The following ALCAM variants were observed in gnomAD, a reference collection of about 807,000 sequenced individuals.
The protein encoded by ALCAM is CD166 antigen.
A neutral mutation model predicts 70.9 loss-of-function variants in ALCAM; 30 were observed. That is an observed-to-expected ratio of 0.42 (90% CI 0.32 to 0.57). ALCAM has a LOEUF of 0.57. ALCAM is among the 20% of genes least tolerant of loss of function. ALCAM has a pLI of 0.11. For missense variants in ALCAM, 591 were observed against 695.1 expected (o/e 0.85, Z 1.68); for synonymous variants, 249 against 242.5 (o/e 1.03, Z -0.25).
chr3:105,504,454 G>A (rs1939007213), intron 1 of ALCAM, among the ~76,000 whole-genome samples: 1 of 152,222 alleles, frequency 6.6e-6, no homozygotes, highest in African/African-American at 2.4e-5. Flanking sequence ...GCTCTCAGCA[G>A]ATGGGGGAAG....
chr3:105,407,341 T>C (rs913424185), intron 1 of ALCAM, among the ~76,000 whole-genome samples: 2 of 151,676 alleles, frequency 1.3e-5, no homozygotes, highest in African/African-American at 4.8e-5. Flanking sequence ...AGCAAACCAA[T>C]TCCAACAGCA....
At chr3:105,487,028 A>G (rs1938448934) in intron 1 of ALCAM, among the ~76,000 whole-genome samples, 2 of 151,142 alleles carry the variant, frequency 1.3e-5, no homozygotes, top group Admixed American at 1.3e-4. Flanking sequence ...TAGTGAAGGA[A>G]GAGGAGTTTT....
intron 1 of ALCAM, among the ~76,000 whole-genome samples, chr3:105,409,620 G>A (rs778024362): frequency 6.6e-6 from 1 of 151,932 alleles, no homozygotes; most frequent in Non-Finnish European, 1.5e-5. Flanking sequence ...CTGCTCAGGT[G>A]ATGGGCACAG....
At chr3:105,373,094 T>C (rs1935278374) in intron 1 of ALCAM, among the ~76,000 whole-genome samples, 2 of 152,104 alleles carry the variant, frequency 1.3e-5, no homozygotes, top group Admixed American at 1.3e-4. Flanking sequence ...TGAGTTTCCA[T>C]GAATAAATGA....
At chr3:105,392,466 T>C (rs183912364) in intron 1 of ALCAM, among the ~76,000 whole-genome samples, 1 of 151,800 alleles carries the variant, frequency 6.6e-6, no homozygotes, top group Non-Finnish European at 1.5e-5. Flanking sequence ...CTCTCTTTTT[T>C]TCTTTATTAG....
chr3:105,367,340 G>C lies in ALCAM; in HGVS notation c.-69G>C. On this transcript the variant is annotated 5_prime_UTR_variant, in exon 1 of 16. Coordinates refer to ENST00000306107, the MANE Select transcript of ALCAM (RefSeq NM_001627.4). ...GGACCCGCCAGCGCGCGGGCACCGC[G>C]GGGCCCGGGACGACGCCCCCTCCTG... The C allele has an allele frequency of 2.6e-6, 4 of 1,557,234 alleles. No individual in the cohort carries two copies. Among genetic ancestry groups the C allele is most frequent in the Non-Finnish European group, 3.5e-6 (4 of 1,137,038 alleles).
intron 1 of ALCAM, among the ~76,000 whole-genome samples, chr3:105,429,677 G>A (rs1936878710): frequency 6.6e-6 from 1 of 151,776 alleles, no homozygotes; most frequent in South Asian, 2.1e-4. Context: ...AAAATGTAAT[G>A]AACACCAATT....
At chr3:105,474,129 G>C (rs1938026503) in intron 1 of ALCAM, among the ~76,000 whole-genome samples, 1 of 146,252 alleles carries the variant, frequency 6.8e-6, no homozygotes, top group Non-Finnish European at 1.5e-5. Context: ...ATCCTTTGAG[G>C]TTTTAGCAAT....
chr3:105,407,042 A>T (rs765767171), intron 1 of ALCAM, among the ~76,000 whole-genome samples: 3 of 152,076 alleles, frequency 2.0e-5, no homozygotes, highest in Non-Finnish European at 4.4e-5. Flanking sequence ...ATAACAAGCA[A>T]CAAGACTGAA....
At chr3:105,452,774 GTA>G (rs1937464920) in intron 1 of ALCAM, among the ~76,000 whole-genome samples, 1 of 152,192 alleles carries the variant, frequency 6.6e-6, no homozygotes, top group African/African-American at 2.4e-5. Flanking sequence ...TCTGACTGGT[GTA>G]AGATGGTATC....
chr3:105,519,047 G>T (rs1939461624), intron 1 of ALCAM, among the ~76,000 whole-genome samples: 1 of 151,892 alleles, frequency 6.6e-6, no homozygotes, highest in Non-Finnish European at 1.5e-5. Context: ...AATATCATTT[G>T]TTTTTTTCTC....
intron 1 of ALCAM, among the ~76,000 whole-genome samples, chr3:105,450,795 G>C (rs73183185): frequency 7.2e-5 from 11 of 151,946 alleles, no homozygotes; most frequent in Admixed American, 1.3e-4. Context: ...GTCTGTTGGG[G>C]GCAAAGAGCC....
At chr3:105,513,765 C>T (rs1939302752) in intron 1 of ALCAM, among the ~76,000 whole-genome samples, 2 of 151,864 alleles carry the variant, frequency 1.3e-5, no homozygotes, top group Admixed American at 1.3e-4. Context: ...AATCCAAATG[C>T]TAGTGTTGAT....
At chr3:105,496,288 GTTATATAATAATA>G (rs1432338974) in intron 1 of ALCAM, among the ~76,000 whole-genome samples, 2 of 151,004 alleles carry the variant, frequency 1.3e-5, no homozygotes, top group Non-Finnish European at 2.9e-5. Flanking sequence ...ATATATCTTT[GTTATATAATAATA>G]TTTTATATTG....
intron 3 of ALCAM, among the ~76,000 whole-genome samples, chr3:105,530,003 A>G (rs935993431): frequency 1.3e-5 from 2 of 152,102 alleles, no homozygotes; most frequent in Non-Finnish European, 2.9e-5. Context: ...ATATCATCAC[A>G]TATTCCAGGC....
At chr3:105,487,453 T>G (rs997504671) in intron 1 of ALCAM, among the ~76,000 whole-genome samples, 5 of 152,090 alleles carry the variant, frequency 3.3e-5, no homozygotes, top group Admixed American at 2.0e-4. Context: ...TCCTTCTCCC[T>G]AGCTTATGTC....
chr3:105,391,069 G>C (rs1935805771), intron 1 of ALCAM, among the ~76,000 whole-genome samples: 1 of 152,064 alleles, frequency 6.6e-6, no homozygotes, highest in African/African-American at 2.4e-5. Flanking sequence ...GATTATCTTG[G>C]CTATATGGGC....
intron 1 of ALCAM, chr3:105,440,942 G>A (rs1937156780): frequency 6.6e-6 from 1 of 152,122 alleles, no homozygotes; most frequent in African/African-American, 2.4e-5. Context: ...CATGGAAACA[G>A]GACAGAAAGG....
chr3:105,416,300 T>C (rs1201186170), intron 1 of ALCAM, among the ~76,000 whole-genome samples: 1 of 152,034 alleles, frequency 6.6e-6, no homozygotes, highest in Admixed American at 6.6e-5. Context: ...TAACATTTAA[T>C]ATCTCCTTAA....
Sources: gnomAD v4.1 joint callset for allele counts (sites outside exome capture counted in the v4.1 genomes callset) on GRCh38, gnomAD v4.1.1 for gene constraint, MANE v1.5 for transcripts, NCBI Gene and HGNC (gene_info 2026-07-23, HGNC 2026-07-21) for gene names.